Variants in SNTG1 observed in about 807,000 individuals in gnomAD.
SNTG1 encodes the protein gamma-1-syntrophin.
A neutral mutation model predicts 74.7 loss-of-function variants in SNTG1; 39 were observed. The ratio of observed to expected loss-of-function variants is 0.52; its 90% CI spans 0.40 to 0.68. The LOEUF is 0.68. SNTG1 is among the 30% of genes least tolerant of loss of function. SNTG1 has a pLI of 0.00. For synonymous variants in SNTG1, 254 were observed against 217.1 expected (o/e 1.17, Z -1.49); for missense variants, 685 against 609.5 (o/e 1.12, Z -1.30).
chr8:50,613,586 T>C lies in SNTG1; in HGVS notation c.849+22669T>C, dbSNP rs535411989. On this transcript the variant is annotated intron_variant, in intron 13 of 18. Transcript: ENST00000642720. ...TTTGGGAAGCACAGATATCATCATT[T>C]ACATTTAATTAATCTGCTTATGTTT... is the stretch of plus-strand genomic sequence containing the variant. 2.6e-5 allele frequency among the ~76,000 whole-genome samples: 4 copies of C among 152,292 alleles called. 1 individual carries two copies. The highest frequency in any genetic ancestry group is 4.1e-4 in the South Asian group (2 of 4,832).
chr8:50,568,734 G>A (rs2094530042), intron 12 of SNTG1: 1 of 152,034 alleles, frequency 6.6e-6, no homozygotes, highest in African/African-American at 2.4e-5. Context: ...CTCCTTGACA[G>A]ATGCATAGTT....
intron 1 of SNTG1, among the ~76,000 whole-genome samples, chr8:50,113,222 C>T (rs554489322): frequency 1.3e-5 from 2 of 152,114 alleles, no homozygotes. Flanking sequence ...TTGATTCTTC[C>T]TATCCATGAG....
chr8:50,774,413 A>G (rs28579518), intron 18 of SNTG1, among the ~76,000 whole-genome samples: 17,234 of 151,820 alleles, frequency 0.11, 2,915 homozygotes, highest in African/African-American at 0.37. Flanking sequence ...CTCATTTTTT[A>G]TAGTAAACTG....
At chr8:49,940,856 G>A (rs891907047) in intron 1 of SNTG1, among the ~76,000 whole-genome samples, 2 of 152,204 alleles carry the variant, frequency 1.3e-5, no homozygotes, top group Non-Finnish European at 2.9e-5. Flanking sequence ...TACTGCTTAT[G>A]TGAATACTTT....
At chr8:49,938,422 C>T (rs1456193264) in intron 1 of SNTG1, among the ~76,000 whole-genome samples, 1 of 152,080 alleles carries the variant, frequency 6.6e-6, no homozygotes, top group African/African-American at 2.4e-5. Flanking sequence ...AAATTGGATA[C>T]TCAGGATGAA....
chr8:50,526,598 T>G (rs1352554674), intron 9 of SNTG1, among the ~76,000 whole-genome samples: 1 of 149,854 alleles, frequency 6.7e-6, no homozygotes, highest in African/African-American at 2.5e-5. Context: ...AAAGTCAGCA[T>G]ATATATGTGT....
At chr8:50,716,216 T>G (rs575097028) in intron 17 of SNTG1, among the ~76,000 whole-genome samples, 9 of 152,260 alleles carry the variant, frequency 5.9e-5, no homozygotes, top group Admixed American at 5.9e-4. Flanking sequence ...TTCTTAAATT[T>G]TATGTTATTA....
chr8:50,615,812 G>C (rs192238001), intron 13 of SNTG1, among the ~76,000 whole-genome samples: 1 of 152,198 alleles, frequency 6.6e-6, no homozygotes, highest in Non-Finnish European at 1.5e-5. Flanking sequence ...CACCACATCT[G>C]GGGCTGCAAA....
intron 1 of SNTG1, among the ~76,000 whole-genome samples, chr8:49,939,911 A>G (rs1808529113): frequency 6.6e-6 from 1 of 152,212 alleles, no homozygotes; most frequent in Non-Finnish European, 1.5e-5. Context: ...CTTAAAAACG[A>G]AAAATGAGGA....
chr8:50,177,859 G>A (rs1435551621), intron 2 of SNTG1, among the ~76,000 whole-genome samples: 4 of 152,018 alleles, frequency 2.6e-5, no homozygotes, highest in African/African-American at 7.3e-5. Context: ...TATCCCCTAC[G>A]CTTCTCTTAT....
At chr8:50,386,450 AT>A in intron 2 of SNTG1, among the ~76,000 whole-genome samples, 1 of 25,596 alleles carries the variant, frequency 3.9e-5, no homozygotes, top group Non-Finnish European at 7.6e-5. Context: ...TGGGAGCAAG[AT>A]TAACAACATA....
At chr8:50,675,275 C>A (rs12545529) in intron 15 of SNTG1, among the ~76,000 whole-genome samples, 3 of 151,662 alleles carry the variant, frequency 2.0e-5, no homozygotes, top group Admixed American at 6.6e-5. Context: ...TTAAAGTCTC[C>A]TATTATTATG....
chr8:50,726,576 G>A (rs944429235), intron 17 of SNTG1, among the ~76,000 whole-genome samples: 12 of 152,324 alleles, frequency 7.9e-5, no homozygotes, highest in South Asian at 2.1e-4. Flanking sequence ...GAGGCTGGGC[G>A]CACTGGCTCA....
At chr8:50,547,377 T>G (rs932463785) in intron 11 of SNTG1, among the ~76,000 whole-genome samples, 1 of 152,160 alleles carries the variant, frequency 6.6e-6, no homozygotes, top group African/African-American at 2.4e-5. Context: ...CCTCTTCACT[T>G]GTTCTTACAC....
At chr8:50,289,426 C>T (rs567674914) in intron 2 of SNTG1, among the ~76,000 whole-genome samples, 7 of 152,248 alleles carry the variant, frequency 4.6e-5, no homozygotes, top group African/African-American at 1.2e-4. Context: ...AAAGTGGAAG[C>T]GTGGGGTCAG....
chr8:50,479,118 T>C (rs889093899), intron 8 of SNTG1, among the ~76,000 whole-genome samples: 2 of 152,162 alleles, frequency 1.3e-5, no homozygotes, highest in Non-Finnish European at 2.9e-5. Context: ...TGTCAAACTA[T>C]GGAAATAGAA....
intron 2 of SNTG1, among the ~76,000 whole-genome samples, chr8:50,368,872 G>C (rs1394049709): frequency 2.6e-5 from 4 of 152,118 alleles, no homozygotes; most frequent in Non-Finnish European, 2.9e-5. Context: ...ATTTTGAAAA[G>C]AAAATATCTA....
At chr8:50,230,402 C>T (rs1392737278) in intron 2 of SNTG1, among the ~76,000 whole-genome samples, 2 of 151,172 alleles carry the variant, frequency 1.3e-5, no homozygotes, top group African/African-American at 4.8e-5. Flanking sequence ...ACCAAAAGTA[C>T]ATTAAGGGAG....
chr8:50,242,536 A>C (rs2086209328), intron 2 of SNTG1, among the ~76,000 whole-genome samples: 2 of 117,852 alleles, frequency 1.7e-5, no homozygotes, highest in Non-Finnish European at 3.7e-5. Flanking sequence ...TCAAAAAAAA[A>C]AAAAAAAAAC....
Sources: gnomAD v4.1 joint callset for allele counts (sites outside exome capture counted in the v4.1 genomes callset) on GRCh38, gnomAD v4.1.1 for gene constraint, MANE v1.5 for transcripts, NCBI Gene and HGNC (gene_info 2026-07-23, HGNC 2026-07-21) for gene names.